The following CLYBL variants were observed in gnomAD, a reference collection of about 807,000 sequenced individuals.
CLYBL encodes the protein citramalyl-CoA lyase, also known as citramalyl-CoA lyase, mitochondrial.
A neutral mutation model predicts 38.9 loss-of-function variants in CLYBL; 31 were observed. That is an observed-to-expected ratio of 0.80 (90% CI 0.60 to 1.08). CLYBL has a LOEUF of 1.08. Ranked by LOEUF, CLYBL falls within the 50% of genes least tolerant of loss-of-function variation. The probability of loss-of-function intolerance (pLI) is 0.00; values close to 1 mark genes in which losing one functional copy is unlikely to be tolerated. For missense variants in CLYBL, 434 were observed against 411.6 expected, an observed-to-expected ratio of 1.05 and a Z score of -0.47; for synonymous variants, 171 against 158.6, an observed-to-expected ratio of 1.08 and a Z score of -0.59.
chr13:99,869,578 A>T lies in CLYBL; in HGVS notation c.803-1360A>T, dbSNP rs1437197270. Among the ~76,000 whole-genome samples, 2 of 152,174 alleles carry T rather than the reference A, an allele frequency of 1.3e-5. No individual in the cohort carries two copies. The highest frequency in any genetic ancestry group is 2.9e-5 in the Non-Finnish European group (2 of 68,002). The stretch of plus-strand genomic sequence containing the variant: ...TAGTATGCTGACAGAAAAGAATGAA[A>T]TAGCAATGTGAGGATGTTTTAATTA... On this transcript the variant is annotated intron_variant, in intron 6 of 8. Transcript: ENST00000339105. This position sits in a 1 kb window ranked among gnomAD's most constrained non-coding sequence, Gnocchi z 4.3.
At chr13:99,704,241 A>G (rs1318893537) in intron 1 of CLYBL, among the ~76,000 whole-genome samples, 2 of 152,210 alleles carry the variant, frequency 1.3e-5, no homozygotes, top group East Asian at 1.9e-4. Context: ...GGAAAGAGTA[A>G]GGGAAAGATT....
At chr13:99,838,857 T>C (rs1222425930) in intron 2 of CLYBL, among the ~76,000 whole-genome samples, 1 of 152,134 alleles carries the variant, frequency 6.6e-6, no homozygotes, top group East Asian at 1.9e-4. Flanking sequence ...GCCAGTATGG[T>C]CTCAATCTCC....
intron 1 of CLYBL, among the ~76,000 whole-genome samples, chr13:99,662,892 G>A (rs1594107440): frequency 1.3e-5 from 2 of 152,152 alleles, no homozygotes; most frequent in South Asian, 2.1e-4. Flanking sequence ...CTTTGCAACC[G>A]GCCACTGTTC....
At chr13:99,784,449 C>CTTTTT (rs772465561) in intron 2 of CLYBL, among the ~76,000 whole-genome samples, 8 of 52,118 alleles carry the variant, frequency 1.5e-4, no homozygotes, top group South Asian at 1.0e-3. Context: ...AAAATTCTCT[C>CTTTTT]TTTTTTTTTT....
At chr13:99,749,221 T>C (rs374515045) in intron 1 of CLYBL, among the ~76,000 whole-genome samples, 8 of 151,918 alleles carry the variant, frequency 5.3e-5, no homozygotes, top group Non-Finnish European at 1.2e-4. Context: ...ACTTCCGTCA[T>C]TGGGACACTT....
intron 2 of CLYBL, among the ~76,000 whole-genome samples, chr13:99,778,611 A>G (rs536264511): frequency 4.6e-5 from 7 of 152,272 alleles, no homozygotes; most frequent in African/African-American, 1.4e-4. Context: ...TAGCTCCTTC[A>G]TGTCAAGGAT....
intron 2 of CLYBL, among the ~76,000 whole-genome samples, chr13:99,805,501 C>T (rs912974623): frequency 3.3e-5 from 5 of 151,786 alleles, no homozygotes; most frequent in Non-Finnish European, 7.4e-5. Flanking sequence ...AGAAAGGGAG[C>T]GGTACTGACA....
intron 1 of CLYBL, among the ~76,000 whole-genome samples, chr13:99,688,756 C>A (rs985517145): frequency 6.6e-6 from 1 of 152,130 alleles, no homozygotes; most frequent in Non-Finnish European, 1.5e-5. Context: ...GTGGCCGTTC[C>A]TGGGTATTAA....
At chr13:99,779,563 T>TA (rs2049596213) in intron 2 of CLYBL, among the ~76,000 whole-genome samples, 1 of 152,242 alleles carries the variant, frequency 6.6e-6, no homozygotes, top group Non-Finnish European at 1.5e-5. Flanking sequence ...TGTGGACTGA[T>TA]ACTTTTGTAA....
At chr13:99,698,476 T>A (rs2139450198) in intron 1 of CLYBL, among the ~76,000 whole-genome samples, 1 of 152,316 alleles carries the variant, frequency 6.6e-6, no homozygotes, top group East Asian at 1.9e-4. Context: ...AGTCGTAGGT[T>A]AAATGATTTG....
At chr13:99,665,181 A>G (rs1458864240) in intron 1 of CLYBL, among the ~76,000 whole-genome samples, 7 of 151,942 alleles carry the variant, frequency 4.6e-5, no homozygotes, top group Admixed American at 4.6e-4. Context: ...GGGGCAATTC[A>G]CTGCCGACAT....
intron 2 of CLYBL, among the ~76,000 whole-genome samples, chr13:99,783,501 G>A (rs2138849786): frequency 6.6e-6 from 1 of 151,682 alleles, no homozygotes; most frequent in East Asian, 1.9e-4. Context: ...CTGTCACCCA[G>A]GCCGGAGTGC....
chr13:99,686,147 G>A (rs1253927791), intron 1 of CLYBL, among the ~76,000 whole-genome samples: 1 of 152,118 alleles, frequency 6.6e-6, no homozygotes, highest in African/African-American at 2.4e-5. Flanking sequence ...GAATTTGTGT[G>A]GAGCTGTTTC....
chr13:99,666,863 G>A (rs1225948892), intron 1 of CLYBL, among the ~76,000 whole-genome samples: 3 of 152,132 alleles, frequency 2.0e-5, no homozygotes, highest in Non-Finnish European at 4.4e-5. Context: ...CTTTAAAGAT[G>A]TTCCTGGTGG....
At chr13:99,688,265 G>A (rs1009595969) in intron 1 of CLYBL, among the ~76,000 whole-genome samples, 1 of 151,988 alleles carries the variant, frequency 6.6e-6, no homozygotes, top group Admixed American at 6.6e-5. Context: ...CAGACTCGCT[G>A]TGTGTGTTTT....
chr13:99,834,154 G>A, intron 2 of CLYBL, among the ~76,000 whole-genome samples: 1 of 152,114 alleles, frequency 6.6e-6, no homozygotes, highest in South Asian at 2.1e-4. Flanking sequence ...CCAGTGCCTG[G>A]TTCACGCAGC....
chr13:99,801,814 C>T lies in CLYBL; in HGVS notation c.249+28804C>T, dbSNP rs547814459. On this transcript the variant is annotated intron_variant, in intron 2 of 8. Coordinates refer to ENST00000339105, the MANE Select transcript of CLYBL (RefSeq NM_206808.5). ...GGCGGATCACCTGAGGTCAGGAGTTCGAGACCAGCCTGACCAACATGGAGA... is the reference window on the plus strand; with the variant it reads ...GGCGGATCACCTGAGGTCAGGAGTTTGAGACCAGCCTGACCAACATGGAGA... Among the ~76,000 whole-genome samples, 57 of 152,130 alleles carry T rather than the reference C, an allele frequency of 3.7e-4. 1 individual carries two copies. The South Asian group carries it at 8.3e-3, about 22-fold the overall frequency.
intron 7 of CLYBL, among the ~76,000 whole-genome samples, chr13:99,876,480 A>C (rs1044366637): frequency 2.0e-5 from 3 of 151,884 alleles, no homozygotes; most frequent in Non-Finnish European, 4.4e-5. Context: ...CAATGTTTTA[A>C]ATTGTTTGCT....
intron 2 of CLYBL, among the ~76,000 whole-genome samples, chr13:99,843,462 C>T (rs1210426846): frequency 6.6e-6 from 1 of 152,126 alleles, no homozygotes; most frequent in East Asian, 1.9e-4. Flanking sequence ...AGCTGTTTTC[C>T]TGACTGGAAT....
Sources: gnomAD v4.1 joint callset for allele counts (sites outside exome capture counted in the v4.1 genomes callset) on GRCh38, gnomAD v4.1.1 for gene constraint, Gnocchi (gnomAD v3.1) non-coding constraint, MANE v1.5 for transcripts, NCBI Gene and HGNC (gene_info 2026-07-23, HGNC 2026-07-21) for gene names.